Variants in TBC1D4 observed in about 807,000 individuals in gnomAD.
The protein encoded by TBC1D4 is TBC1 domain family member 4.
Under a neutral mutation model 142.5 loss-of-function variants are expected in TBC1D4, and 121 were observed. The observed-to-expected ratio is 0.85, with a 90% confidence interval of 0.73 to 0.99. TBC1D4 has a LOEUF of 0.99. TBC1D4 is among the 50% of genes least tolerant of loss of function. The pLI is 0.00. For synonymous variants in TBC1D4, 630 were observed against 628.2 expected (o/e 1.00, Z -0.04); for missense variants, 1,475 against 1,606.6 (o/e 0.92, Z 1.40).
chr13:75,375,625 A>C (rs1371922602), intron 1 of TBC1D4: 3 of 152,072 alleles, frequency 2.0e-5, no homozygotes, highest in Non-Finnish European at 4.4e-5. Flanking sequence ...TCAAAGGTGC[A>C]GGTGCCTTCT....
At chr13:75,312,598 A>G in intron 13 of TBC1D4, 140 bp downstream of exon 13, 1 of 1,145,798 alleles carries the variant, frequency 8.7e-7, no homozygotes. Context: ...ATGATACCTG[A>G]AAGAGAAACC....
intron 1 of TBC1D4, among the ~76,000 whole-genome samples, chr13:75,477,707 T>A (rs1888677005): frequency 6.6e-6 from 1 of 152,198 alleles, no homozygotes; most frequent in African/African-American, 2.4e-5. Context: ...AGTGGATAAA[T>A]ATTTACAGAG....
intron 1 of TBC1D4, 55 bp downstream of exon 1, chr13:75,481,214 GC>G: frequency 1.9e-6 from 2 of 1,029,768 alleles, no homozygotes; most frequent in Non-Finnish European, 2.8e-6. Context: ...CTCCCGCCCT[GC>G]TCCCCGATCC....
chr13:75,401,915 G>A (rs1395851909), intron 1 of TBC1D4, among the ~76,000 whole-genome samples: 1 of 152,194 alleles, frequency 6.6e-6, no homozygotes, highest in Non-Finnish European at 1.5e-5. Flanking sequence ...TGAACATTAA[G>A]CAGTGAGGAA....
At chr13:75,391,258 T>G (rs1476801429) in intron 1 of TBC1D4, among the ~76,000 whole-genome samples, 1 of 151,962 alleles carries the variant, frequency 6.6e-6, no homozygotes, top group Non-Finnish European at 1.5e-5. Flanking sequence ...AGAATTCTTT[T>G]GACCCCACTT....
At chr13:75,357,201 T>C (rs1882122344) in intron 3 of TBC1D4, among the ~76,000 whole-genome samples, 1 of 152,214 alleles carries the variant, frequency 6.6e-6, no homozygotes, top group African/African-American at 2.4e-5. Flanking sequence ...CTAGGATGTT[T>C]GATAAATGGT....
chr13:75,374,843 T>A (rs751728902), intron 1 of TBC1D4, among the ~76,000 whole-genome samples: 2 of 152,098 alleles, frequency 1.3e-5, no homozygotes, highest in African/African-American at 4.8e-5. Flanking sequence ...AAATGACGTA[T>A]CAGCTATAAT....
chr13:75,392,209 CA>C (rs1470366661), intron 1 of TBC1D4, among the ~76,000 whole-genome samples: 2 of 152,026 alleles, frequency 1.3e-5, no homozygotes, highest in East Asian at 1.9e-4. Context: ...GATAAATAAC[CA>C]AAAGGCCGTA....
chr13:75,447,596 TAC>T (rs374789087), intron 1 of TBC1D4, among the ~76,000 whole-genome samples: 2 of 151,436 alleles, frequency 1.3e-5, no homozygotes, highest in Non-Finnish European at 2.9e-5. Flanking sequence ...ATACTTTATA[TAC>T]ACACACACAC....
Position 75,481,931 on chromosome 13 carries a change from A to C in TBC1D4, c.-164T>G. The C allele has an allele frequency of 2.0e-6, 2 of 1,005,056 alleles. No homozygotes were observed. Among genetic ancestry groups the C allele is most frequent in the African/African-American group, 1.7e-5 (1 of 59,274 alleles). The allele number at this position is 1,005,056 out of a possible 1,614,324, so 62.3% of individuals were successfully genotyped here. On this transcript the variant is annotated 5_prime_UTR_variant, in exon 1 of 21. An upstream start codon of the reference 5' UTR is lost. Transcript: ENST00000377636. ...CTCCGCGCTTCAGCAGCCCTGCCCC[A>C]TGCAGCACTTCCACGGGCGCGGCTC...
At chr13:75,475,771 A>T (rs1888607525) in intron 1 of TBC1D4, among the ~76,000 whole-genome samples, 1 of 152,186 alleles carries the variant, frequency 6.6e-6, no homozygotes, top group Non-Finnish European at 1.5e-5. Context: ...ATCAAGCTTT[A>T]ATTTTTTCAA....
At chr13:75,379,247 TA>T (rs1883682835) in intron 1 of TBC1D4, among the ~76,000 whole-genome samples, 1 of 151,874 alleles carries the variant, frequency 6.6e-6, no homozygotes, top group East Asian at 1.9e-4. Flanking sequence ...CGTGAATTTT[TA>T]TACATACACA....
chr13:75,325,633 T>C (rs1306961499), intron 10 of TBC1D4, among the ~76,000 whole-genome samples: 3 of 152,240 alleles, frequency 2.0e-5, no homozygotes, highest in African/African-American at 7.2e-5. Context: ...TAAGATCTTT[T>C]CTAAGTGGAC....
At chr13:75,320,200 A>C (rs372610492) in intron 11 of TBC1D4, among the ~76,000 whole-genome samples, 163 bp from the exon 12 acceptor site, 1 of 152,202 alleles carries the variant, frequency 6.6e-6, no homozygotes, top group Non-Finnish European at 1.5e-5. Flanking sequence ...CACTGAATAC[A>C]AGAGAAATAT....
chr13:75,419,797 T>C (rs1175830985), intron 1 of TBC1D4, among the ~76,000 whole-genome samples: 3 of 152,174 alleles, frequency 2.0e-5, no homozygotes, highest in Non-Finnish European at 2.9e-5. Flanking sequence ...CTACATGCTA[T>C]GAGAATATAA....
At chr13:75,304,589 C>T (rs746303249) in intron 15 of TBC1D4, among the ~76,000 whole-genome samples, 32 of 151,946 alleles carry the variant, frequency 2.1e-4, no homozygotes, top group Non-Finnish European at 4.0e-4. Context: ...TGATTTTGGT[C>T]GGGGGGCAGG....
intron 1 of TBC1D4, among the ~76,000 whole-genome samples, chr13:75,403,243 T>C (rs957465483): frequency 2.0e-5 from 3 of 152,214 alleles, no homozygotes; most frequent in African/African-American, 7.2e-5. Context: ...TTTCTTTATT[T>C]TTAGGGGAAA....
chr13:75,326,570 T>C lies in TBC1D4; in HGVS notation c.1807-147A>G, dbSNP rs1879286527. Reference sequence around the variant, plus strand: ...TTTCCTCCCCCTTTTACTTAATTTATGCCGTAGGCTAATCAGTATCACTAC... The same window carrying C: ...TTTCCTCCCCCTTTTACTTAATTTACGCCGTAGGCTAATCAGTATCACTAC... On this transcript the variant is annotated intron_variant, in intron 9 of 20. Transcript: ENST00000377636. 5 of 821,836 alleles carry C rather than the reference T, an allele frequency of 6.1e-6. No homozygotes were observed. In the South Asian group the frequency reaches 7.3e-5, roughly 12 times the overall value. 50.9% of individuals were successfully genotyped at this position (821,836 alleles called of 1,614,324 possible).
At position 75,481,756 on chromosome 13, in the gene TBC1D4, G is replaced by A. The variant is rs1293796540; in HGVS notation, c.12C>T (p.Pro4=). The change falls in exon 1 of 21, where the codon CCC becomes CCT. Residue 4 remains proline, a synonymous_variant. Coordinates refer to ENST00000377636, the MANE Select transcript of TBC1D4 (RefSeq NM_014832.5). MEP[P]SCIQDEPFPH... is the part of the protein sequence containing the mutation. Reference sequence around the variant, plus strand: ...GGAACGGCTCATCCTGAATGCAGCTGGGCGGCTCCATAACTCTCGCCTCAC... The same window carrying A: ...GGAACGGCTCATCCTGAATGCAGCTAGGCGGCTCCATAACTCTCGCCTCAC... 1 of 1,585,220 alleles carries A rather than the reference G, an allele frequency of 6.3e-7. No individual in the cohort carries two copies. The highest frequency in any genetic ancestry group is 1.4e-5 in the African/African-American group (1 of 72,428).
Sources: gnomAD v4.1 joint callset for allele counts (sites outside exome capture counted in the v4.1 genomes callset) on GRCh38, gnomAD v4.1.1 for gene constraint, MANE v1.5 for transcripts, NCBI Gene and HGNC (gene_info 2026-07-23, HGNC 2026-07-21) for gene names.